Variants in PAX6 observed in about 807,000 individuals in gnomAD.
PAX6 encodes paired box 6, also known as paired box protein Pax-6.
In PAX6, 7 loss-of-function variants were observed where a neutral mutation model predicts 60.7. That is an observed-to-expected ratio of 0.12 (90% CI 0.07 to 0.22). The LOEUF (loss-of-function observed/expected upper bound fraction) is 0.22. Among genes scored for constraint, PAX6 ranks in the 10% least tolerant of loss-of-function variants. The pLI is 1.00. For synonymous variants in PAX6, 208 were observed against 201.2 expected (o/e 1.03, Z -0.29); for missense variants, 355 against 555.2 (o/e 0.64, Z 3.62).
upstream of PAX6, chr11:31,813,081 C>T (rs1307333630): frequency 1.3e-5 from 2 of 152,086 alleles, no homozygotes; most frequent in Non-Finnish European, 2.9e-5. Flanking sequence ...ACCCTCTCCC[C>T]TCCCCGGGCT....
At chr11:31,802,572 G>A in intron 5 of PAX6, 132 bp downstream of exon 5, 1 of 884,142 alleles carries the variant, frequency 1.1e-6, no homozygotes, top group Non-Finnish European at 1.7e-6. Flanking sequence ...GAGTGGGTGG[G>A]GGGACTGGGG....
At chr11:31,813,400 GAA>G (rs1957223478), upstream of PAX6, among the ~76,000 whole-genome samples, 1 of 114,384 alleles carries the variant, frequency 8.7e-6, no homozygotes, top group African/African-American at 3.3e-5. Context: ...GGGGGGGGGG[GAA>G]GTGATTCTGT....
intron 2 of PAX6, chr11:31,807,948 G>C (rs373692605): frequency 2.0e-5 from 3 of 151,946 alleles, no homozygotes; most frequent in African/African-American, 4.8e-5. Flanking sequence ...GGAGAAAATA[G>C]AAAAGTAATT....
chr11:31,813,891 C>T (rs568580206), upstream of PAX6, among the ~76,000 whole-genome samples: 142 of 152,220 alleles, frequency 9.3e-4, no homozygotes, highest in Middle Eastern at 3.4e-3. Context: ...AGCCTCACTC[C>T]CTCTGCCAAG....
chr11:31,799,380 T>G (rs996943162), intron 8 of PAX6, among the ~76,000 whole-genome samples: 1 of 152,046 alleles, frequency 6.6e-6, no homozygotes, highest in South Asian at 2.1e-4. Context: ...AGCGAGCGCT[T>G]TGCTCCCTAT....
Position 31,806,478 on chromosome 11 carries a change from T to C in PAX6, c.-51-16A>G. The C allele has an allele frequency of 6.4e-7, 1 of 1,574,324 alleles. No homozygotes were observed. The highest frequency in any genetic ancestry group is 8.6e-7 in the Non-Finnish European group (1 of 1,157,532). On this transcript the variant is annotated splice_polypyrimidine_tract_variant and intron_variant, in intron 3 of 13. Transcript: ENST00000640368. The stretch of plus-strand genomic sequence containing the variant: ...ATATGGGGCTCTGTTAGCAAGAAAA[T>C]AGGAGTTAATCCTCGGGCAGCTGCA...
At chr11:31,791,616 A>C (rs1950008542) in intron 12 of PAX6, 1 of 152,962 alleles carries the variant, frequency 6.5e-6, no homozygotes. Flanking sequence ...GGATGAATTA[A>C]AAGAAGTGTG....
chr11:31,801,980 A>G, intron 5 of PAX6, 68 bp from the exon 6 acceptor site: 1 of 1,282,462 alleles, frequency 7.8e-7, no homozygotes, highest in South Asian at 1.2e-5. Context: ...TCTTAAAATT[A>G]CATTTGTAGC....
chr11:31,810,584 G>T (rs1293443529), intron 2 of PAX6: 1 of 316,558 alleles, frequency 3.2e-6, no homozygotes, highest in African/African-American at 2.2e-5. Flanking sequence ...TGGCGCTGGG[G>T]CTGAGCTGGC....
At chr11:31,817,884 G>T (rs529720180) in exon 1 of PAX6, 1 of 152,812 alleles carries the variant, frequency 6.5e-6, no homozygotes, top group South Asian at 2.1e-4. Flanking sequence ...CTCGGCAGGG[G>T]AAGTGGCAGA....
chr11:31,794,298 T>C, intron 9 of PAX6, 184 bp from the exon 10 acceptor site: 5 of 669,640 alleles, frequency 7.5e-6, no homozygotes, highest in Non-Finnish European at 1.3e-5. Context: ...AAATTTTCTT[T>C]GGAATGGCAT....
chr11:31,792,711 C>G (rs1950305223), intron 12 of PAX6: 1 of 163,436 alleles, frequency 6.1e-6, no homozygotes, highest in African/African-American at 2.4e-5. Context: ...TAGTGCAGGA[C>G]CTCTAAATGT....
chr11:31,794,088 C>T lies in PAX6; in HGVS notation c.751G>A (p.Val251Met). The T allele has an allele frequency of 6.2e-7, 1 of 1,610,984 alleles. No individual in the cohort carries two copies. Among genetic ancestry groups the T allele is most frequent in the Non-Finnish European group, 8.5e-7 (1 of 1,177,154 alleles). Reference protein sequence around the residue: ...KEFERTHYPDVFARERLAAKI... With the variant: ...KEFERTHYPDMFARERLAAKI... ...GCTGCTAGTCTTTCTCGGGCAAACA[C>T]ATCTGGATAATGGGTTCTCTCAAAC... Residue 251 changes from valine (V) to methionine (M), a missense_variant, in exon 10 of 14, where the codon GTG becomes ATG. By Grantham distance (21) the Val-to-Met change is conservative. Around this residue, in one of 5 missense-constraint regions of PAX6, gnomAD observed 17 missense variants for 57.5 expected, o/e 0.30. Transcript: ENST00000640368.
chr11:31,817,577 C>T (rs1387478951), intron 1 of PAX6, among the ~76,000 whole-genome samples: 2 of 152,262 alleles, frequency 1.3e-5, no homozygotes, highest in South Asian at 2.1e-4. Flanking sequence ...AGGAGTGGAA[C>T]ATTTTGCTAC....
intron 5 of PAX6, chr11:31,802,453 T>C: frequency 4.1e-6 from 2 of 485,320 alleles, no homozygotes; most frequent in Non-Finnish European, 7.3e-6. Context: ...TTTAAAAAAA[T>C]CCGCACACAA....
Position 31,800,696 on chromosome 11 carries a change from G to A in PAX6, c.560C>T (p.Thr187Met), listed in dbSNP as rs1159095794. The A allele has an allele frequency of 3.1e-6, 5 of 1,614,088 alleles. No individual in the cohort carries two copies. The highest frequency in any genetic ancestry group is 2.2e-5 in the South Asian group (2 of 91,090). ...GATGGCTGCTTGGGTTTTACCTTGC[G>A]TAGGTTGCCCTGGCACCGAAGTCCC... ...YPGTSVPGQP[T>M]QDGCQQQEGG... is the part of the protein sequence containing the mutation. The change falls in exon 8 of 14, where the codon ACG becomes ATG. Residue 187 changes from threonine to methionine, a missense_variant. Physicochemically the swap from Thr to Met is moderately conservative, Grantham distance 81 (BLOSUM62 -1). Coordinates refer to ENST00000640368, the MANE Select transcript of PAX6 (RefSeq NM_001368894.2).
chr11:31,808,332 G>A (rs951890835), intron 2 of PAX6: 4 of 152,226 alleles, frequency 2.6e-5, no homozygotes, highest in African/African-American at 9.6e-5. Flanking sequence ...CTCAGCATTG[G>A]GTAAATACTG....
rs776189526 is a variant in PAX6 at position 31,794,745 on chromosome 11, G to T, written c.609C>A (p.Ser203=). 1 of 1,614,126 alleles carries T rather than the reference G, an allele frequency of 6.2e-7. No individual in the cohort carries two copies. The highest frequency in any genetic ancestry group is 1.1e-5 in the South Asian group (1 of 91,082). The change falls in exon 9 of 14, where the codon TCC becomes TCA. Residue 203 remains serine, a synonymous_variant. Coordinates refer to ENST00000640368, the MANE Select transcript of PAX6 (RefSeq NM_001368894.2). The part of the protein sequence containing the change: ...QQEGGGENTN[S]ISSNGEDSDE... ...CTGAATCTTCTCCGTTGGAACTGATGGAGTTGGTATTCTCTCCCCCTCCTT... is the reference window on the plus strand; with the variant it reads ...CTGAATCTTCTCCGTTGGAACTGATTGAGTTGGTATTCTCTCCCCCTCCTT...
intron 12 of PAX6, 75 bp from the exon 13 acceptor site, chr11:31,790,935 G>A (rs970240188): frequency 9.5e-6 from 14 of 1,481,128 alleles, no homozygotes; most frequent in South Asian, 3.6e-5. Flanking sequence ...CCCTCCTCCC[G>A]AGGAACTCTG....
Sources: allele counts gnomAD v4.1 joint callset (sites outside exome capture counted in the v4.1 genomes callset), GRCh38; gene constraint gnomAD v4.1.1; regional missense constraint gnomAD v4.1.1; transcripts MANE v1.5; gene names NCBI Gene and HGNC (gene_info 2026-07-23, HGNC 2026-07-21).